The following RABGAP1 variants were observed in gnomAD, a reference collection of about 807,000 sequenced individuals.
RABGAP1 encodes the protein rab GTPase-activating protein 1.
Under a neutral mutation model 137.6 loss-of-function variants are expected in RABGAP1, and 23 were observed. That is an observed-to-expected ratio of 0.17 (90% confidence interval 0.12 to 0.24). The LOEUF (loss-of-function observed/expected upper bound fraction) is 0.24. Among genes scored for constraint, RABGAP1 ranks in the 10% least tolerant of loss-of-function variants. The pLI, the probability that RABGAP1 is intolerant of heterozygous loss-of-function variation, is 1.00. For synonymous variants in RABGAP1, 451 were observed against 450.7 expected (o/e 1.00, Z -0.01); for missense variants, 906 against 1,275.8 (o/e 0.71, Z 4.42).
chr9:123,074,246 A>G (rs1386007889), intron 16 of RABGAP1, 39 bp from the exon 17 acceptor site: 2 of 1,611,274 alleles, frequency 1.2e-6, no homozygotes, highest in Non-Finnish European at 1.7e-6. Context: ...AATTGGACAG[A>G]TGCATATGTG....
At chr9:123,081,449 G>C (rs554481565) in intron 19 of RABGAP1, among the ~76,000 whole-genome samples, 16 of 152,176 alleles carry the variant, frequency 1.1e-4, no homozygotes, top group African/African-American at 3.6e-4. Flanking sequence ...GTGATATTTG[G>C]TCTTTTGAGA....
At chr9:123,060,850 A>G (rs916769914) in intron 13 of RABGAP1, among the ~76,000 whole-genome samples, 10 of 152,234 alleles carry the variant, frequency 6.6e-5, no homozygotes, top group Non-Finnish European at 1.2e-4. Context: ...CATTTTTAAC[A>G]TTTGTTATTA....
At chr9:122,959,043 A>G (rs376344498) in intron 2 of RABGAP1, among the ~76,000 whole-genome samples, 4 of 152,230 alleles carry the variant, frequency 2.6e-5, no homozygotes, top group Admixed American at 1.3e-4. Context: ...ACTCATAAAT[A>G]TATAGAGGAA....
At chr9:122,948,341 G>T (rs1834049792) in intron 1 of RABGAP1, among the ~76,000 whole-genome samples, 1 of 152,084 alleles carries the variant, frequency 6.6e-6, no homozygotes, top group African/African-American at 2.4e-5. Context: ...GAGAGGGAGA[G>T]AGATGCAATC....
chr9:123,060,422 C>G (rs2033923290), intron 13 of RABGAP1, among the ~76,000 whole-genome samples: 1 of 152,054 alleles, frequency 6.6e-6, no homozygotes, highest in Non-Finnish European at 1.5e-5. Context: ...GGTAGTATTC[C>G]ATTAGATGGA....
chr9:122,986,133 A>C, intron 3 of RABGAP1, 82 bp from the exon 4 acceptor site: 1 of 1,288,066 alleles, frequency 7.8e-7, no homozygotes, highest in Non-Finnish European at 1.1e-6. Flanking sequence ...CTTAAATGTT[A>C]CTTGCAGATT....
At chr9:123,057,302 G>A (rs570392036) in intron 13 of RABGAP1, among the ~76,000 whole-genome samples, 5 of 151,330 alleles carry the variant, frequency 3.3e-5, no homozygotes, top group East Asian at 4.0e-4. Context: ...CAGATGGGGC[G>A]GTTGCCGGGC....
At chr9:123,100,093 T>C (rs1448315878) in intron 24 of RABGAP1, among the ~76,000 whole-genome samples, 1 of 152,162 alleles carries the variant, frequency 6.6e-6, no homozygotes. Context: ...GCTGCTGGAC[T>C]CCAGGTGGGC....
intron 24 of RABGAP1, 77 bp downstream of exon 24, chr9:123,099,626 G>A (rs2035283764): frequency 1.6e-6 from 2 of 1,281,946 alleles, no homozygotes; most frequent in African/African-American, 1.5e-5. Flanking sequence ...TTTGGGAGGA[G>A]GCAGTTGATT....
At chr9:122,944,526 C>G (rs950784503) in intron 1 of RABGAP1, among the ~76,000 whole-genome samples, 1 of 149,178 alleles carries the variant, frequency 6.7e-6, no homozygotes, top group Non-Finnish European at 1.5e-5. Flanking sequence ...TTGTTTGTTT[C>G]TTTTTTTTTT....
chr9:122,956,807 T>C (rs1462450442), intron 1 of RABGAP1, among the ~76,000 whole-genome samples: 1 of 152,116 alleles, frequency 6.6e-6, no homozygotes, highest in East Asian at 1.9e-4. Flanking sequence ...TTTTGAAGTC[T>C]GAAATATCTT....
chr9:123,073,672 A>T lies in RABGAP1; in HGVS notation c.2104A>T (p.Met702Leu). Residue 702 changes from methionine (M) to leucine (L), a missense_variant, in exon 16 of 26, where the codon ATG becomes TTG. By Grantham distance (15) the Met-to-Leu change is conservative. Around this residue, in one of 9 missense-constraint regions of RABGAP1, gnomAD observed 25 missense variants for 31.7 expected, o/e 0.79. Transcript: ENST00000373647. The part of the protein sequence containing the change: ...HCKFYQLERL[M>L]QEYIPDLYNH... ...CAAATTTTACCAGTTGGAGCGCCTC[A>T]TGCAGGTAAAAAGAGAAACCAGCTT... 1.2e-6 allele frequency: 2 copies of T among 1,613,814 alleles called. No individual in the cohort carries two copies. The highest frequency in any genetic ancestry group is 1.7e-6 in the Non-Finnish European group (2 of 1,179,782).
intron 2 of RABGAP1, among the ~76,000 whole-genome samples, chr9:122,983,992 A>G (rs1836230641): frequency 6.6e-6 from 1 of 152,226 alleles, no homozygotes; most frequent in South Asian, 2.1e-4. Flanking sequence ...ACTCTTCCTC[A>G]GAAATACAAG....
chr9:123,103,427 C>T lies in RABGAP1; in HGVS notation c.*214C>T, dbSNP rs1198487818. 1.8e-5 allele frequency: 10 copies of T among 565,444 alleles called. No individual in the cohort carries two copies. The highest frequency in any genetic ancestry group is 7.7e-5 in the African/African-American group (4 of 51,840). The allele number at this position is 565,444 out of a possible 1,614,324, so 35.0% of individuals were successfully genotyped here. A position where few individuals can be genotyped will look rare whatever the true frequency, so the allele number is the denominator to read the frequency against. ...CTAACAGGCCTGCTAGCTCAGCCGA[C>T]GCTCTGGACACTCTAGAAATCACTC... On this transcript the variant is annotated 3_prime_UTR_variant, in exon 26 of 26. Coordinates refer to ENST00000373647, the MANE Select transcript of RABGAP1 (RefSeq NM_012197.4).
chr9:122,995,225 C>T (rs1836953943), intron 6 of RABGAP1, among the ~76,000 whole-genome samples: 1 of 152,252 alleles, frequency 6.6e-6, no homozygotes, highest in Non-Finnish European at 1.5e-5. Flanking sequence ...ATAAAGTTAA[C>T]AGTGCTTAAG....
At chr9:122,984,854 T>C in intron 3 of RABGAP1, 135 bp downstream of exon 3, 1 of 762,470 alleles carries the variant, frequency 1.3e-6, no homozygotes, top group South Asian at 1.9e-5. Flanking sequence ...CTCTAGAATC[T>C]CTGAATTCTA....
rs958887430 is a variant in RABGAP1 at position 123,081,025 on chromosome 9, C to A, written c.2424+4263C>A. Among the ~76,000 whole-genome samples the A allele has an allele frequency of 5.3e-5, 8 of 152,210 alleles. No individual in the cohort carries two copies. The East Asian group carries it at 1.4e-3, about 26-fold the overall frequency. ...TGAGACAGAAAGACCAACCCCTCTTCCTCCTCCTCCTCAGCCTACCCATCA... is the reference window on the plus strand; with the variant it reads ...TGAGACAGAAAGACCAACCCCTCTTACTCCTCCTCCTCAGCCTACCCATCA... On this transcript the variant is annotated intron_variant, in intron 19 of 25. Coordinates refer to ENST00000373647, the MANE Select transcript of RABGAP1 (RefSeq NM_012197.4).
intron 1 of RABGAP1, among the ~76,000 whole-genome samples, chr9:122,945,147 C>CTTTTATTTTTTTTTTTTTTT (rs1833873274): frequency 1.3e-5 from 1 of 75,772 alleles, no homozygotes. Flanking sequence ...ATAGCTGTTG[C>CTTTTATTTTTTTTTTTTTTT]TTTTTTTTTT....
At chr9:123,045,779 T>A (rs1159117307) in intron 13 of RABGAP1, among the ~76,000 whole-genome samples, 1 of 152,170 alleles carries the variant, frequency 6.6e-6, no homozygotes. Flanking sequence ...GAGCATGGAT[T>A]TTTGGAGTCT....
Sources: allele counts gnomAD v4.1 joint callset (sites outside exome capture counted in the v4.1 genomes callset), GRCh38; gene constraint gnomAD v4.1.1; regional missense constraint gnomAD v4.1.1; transcripts MANE v1.5; gene names NCBI Gene and HGNC (gene_info 2026-07-23, HGNC 2026-07-21).